Variants in RNF144B observed in about 807,000 individuals in gnomAD.
The protein encoded by RNF144B is E3 ubiquitin-protein ligase RNF144B.
A neutral mutation model predicts 40.2 loss-of-function variants in RNF144B; 25 were observed. That is an observed-to-expected ratio of 0.62 (90% confidence interval 0.45 to 0.87). The LOEUF (loss-of-function observed/expected upper bound fraction) is 0.87, where lower values mean the gene tolerates loss of function less well. Among genes scored for constraint, RNF144B ranks in the 40% least tolerant of loss-of-function variants. The pLI, the probability that RNF144B is intolerant of heterozygous loss-of-function variation, is 0.00. For missense variants in RNF144B, 365 were observed against 373.7 expected (o/e 0.98, Z 0.19); for synonymous variants, 145 against 136.3 (o/e 1.06, Z -0.44).
At chr6:18,437,897 G>T (rs1734277474) in intron 3 of RNF144B, among the ~76,000 whole-genome samples, 1 of 152,068 alleles carries the variant, frequency 6.6e-6, no homozygotes, top group African/African-American at 2.4e-5. Context: ...CATTGAAAAA[G>T]AATCAGAATT....
chr6:18,443,524 G>A lies in RNF144B; in HGVS notation c.331+3780G>A, dbSNP rs1368427432. ...GATCCACCCACCTCGGCCTCCCAAA[G>A]TTCTGGGATTACAGGTGTGAGCTAC... On this transcript the variant is annotated intron_variant, in intron 4 of 7. Transcript: ENST00000259939. This position sits in a 1 kb window ranked among gnomAD's most constrained non-coding sequence, Gnocchi z 4.7. Among the ~76,000 whole-genome samples, 1 of 152,152 alleles carries A rather than the reference G, an allele frequency of 6.6e-6. No homozygotes were observed. Among genetic ancestry groups the A allele is most frequent in the East Asian group, 1.9e-4 (1 of 5,200 alleles).
rs1235228731 is a variant in RNF144B, at chr6:18,457,865, T to A, written c.536+506T>A. ...AGGGTTCTCTCATGATATTTTATGC[T>A]CTGTAAAGGTTGAGATTTTATCGTG... On this transcript the variant is annotated intron_variant, in intron 5 of 7. Transcript: ENST00000259939. The surrounding 1 kb of genome is among the most constrained non-coding windows in gnomAD (Gnocchi z 5.1). Among the ~76,000 whole-genome samples, 1 of 152,192 alleles carries A rather than the reference T, an allele frequency of 6.6e-6. No homozygotes were observed. Among genetic ancestry groups the A allele is most frequent in the Non-Finnish European group, 1.5e-5 (1 of 68,030 alleles).
chr6:18,393,742 A>T (rs1373429978), intron 1 of RNF144B, among the ~76,000 whole-genome samples: 1 of 152,094 alleles, frequency 6.6e-6, no homozygotes, highest in Non-Finnish European at 1.5e-5. Context: ...CTTCCCGAGA[A>T]TATGTCTCCA....
intron 3 of RNF144B, among the ~76,000 whole-genome samples, chr6:18,429,844 C>T (rs1199916477): frequency 6.6e-6 from 1 of 152,100 alleles, no homozygotes; most frequent in Non-Finnish European, 1.5e-5. Context: ...TGTGCCTGGC[C>T]CCATTCCAGG....
chr6:18,401,747 A>G (rs1025400271), intron 2 of RNF144B, among the ~76,000 whole-genome samples: 2 of 152,222 alleles, frequency 1.3e-5, no homozygotes, highest in African/African-American at 4.8e-5. Flanking sequence ...TAACTTTTTC[A>G]TATGCCACAT....
rs1759584415 is a variant in RNF144B at position 18,467,023 on chromosome 6, TTCA to T, written c.*1958_*1960del. The stretch of plus-strand genomic sequence containing the variant: ...TCAGAAAAAAACACTATCAGTGTAG[TTCA>T]TGTTAGTATAATTATAGATTTACAT... On this transcript the variant is annotated 3_prime_UTR_variant, in exon 8 of 8. Coordinates refer to ENST00000259939, the MANE Select transcript of RNF144B (RefSeq NM_182757.4). The T allele has an allele frequency of 6.8e-6, 1 of 146,290 alleles. No homozygotes were observed. The highest frequency in any genetic ancestry group is 1.5e-5 in the Non-Finnish European group (1 of 65,174). 9.1% of individuals were successfully genotyped at this position (146,290 alleles called of 1,614,324 possible).
chr6:18,425,637 AAC>A lies in RNF144B; in HGVS notation c.166-1940_166-1939del, dbSNP rs1352540000. 6.6e-6 allele frequency among the ~76,000 whole-genome samples: 1 copy of A among 152,160 alleles called. No homozygotes were observed. The highest frequency in any genetic ancestry group is 2.4e-5 in the African/African-American group (1 of 41,434). On this transcript the variant is annotated intron_variant, in intron 2 of 7. Coordinates refer to ENST00000259939, the MANE Select transcript of RNF144B (RefSeq NM_182757.4). The surrounding 1 kb of genome is among the most constrained non-coding windows in gnomAD (Gnocchi z 4.2). ...TGTTGAACAAGGAAGTCAGGGTTAA[AAC>A]ACAGTAATTATATGGCGGTCAAGTG... is the stretch of plus-strand genomic sequence containing the variant.
At position 18,419,208 on chromosome 6, in the gene RNF144B, C is replaced by T. The variant is rs9477738; in HGVS notation, c.166-8373C>T. On this transcript the variant is annotated intron_variant, in intron 2 of 7. Transcript: ENST00000259939. The surrounding 1 kb of genome is among the most constrained non-coding windows in gnomAD (Gnocchi z 4.6). ...TTCCTTATCCTCTGTCCATCCACCC[C>T]TCCTCCTCCTGCCTATGGCTTTTTA... 0.023 allele frequency among the ~76,000 whole-genome samples: 3,467 copies of T among 152,288 alleles called. 72 individuals carry two copies. The highest frequency in any genetic ancestry group is 0.044 in the African/African-American group (1,837 of 41,566).
At chr6:18,407,097 G>C (rs1216499698) in intron 2 of RNF144B, among the ~76,000 whole-genome samples, 1 of 152,106 alleles carries the variant, frequency 6.6e-6, no homozygotes, top group African/African-American at 2.4e-5. Context: ...TATAATTCAA[G>C]ATGAGATTTG....
intron 2 of RNF144B, among the ~76,000 whole-genome samples, chr6:18,404,852 T>G (rs1285088960): frequency 6.6e-6 from 1 of 152,184 alleles, no homozygotes; most frequent in East Asian, 1.9e-4. Context: ...AATTACTTGT[T>G]GGCTTGATAT....
intron 2 of RNF144B, among the ~76,000 whole-genome samples, chr6:18,417,739 T>C (rs1405951160): frequency 6.6e-6 from 1 of 152,164 alleles, no homozygotes; most frequent in African/African-American, 2.4e-5. Context: ...TAAATTGGAC[T>C]TCATCAAAAT....
intron 2 of RNF144B, among the ~76,000 whole-genome samples, chr6:18,421,271 TATACACAC>T (rs1362208995): frequency 1.4e-4 from 18 of 131,010 alleles, no homozygotes; most frequent in South Asian, 9.4e-4. Context: ...AATTATATAT[TATACACAC>T]ACACACACAC....
chr6:18,459,894 G>A lies in RNF144B; in HGVS notation c.681+143G>A, dbSNP rs1273546634. 6 of 746,378 alleles carry A rather than the reference G, an allele frequency of 8.0e-6. No homozygotes were observed. The highest frequency in any genetic ancestry group is 5.2e-5 in the East Asian group (2 of 38,494). 46.2% of individuals were successfully genotyped at this position (746,378 alleles called of 1,614,324 possible). ...TATTTTTCTTAATGAGACTTACTAA[G>A]CCTGATACTTTAGATATCTAAAAAC... On this transcript the variant is annotated intron_variant, in intron 6 of 7. Coordinates refer to ENST00000259939, the MANE Select transcript of RNF144B (RefSeq NM_182757.4). This position sits in a 1 kb window ranked among gnomAD's most constrained non-coding sequence, Gnocchi z 4.2.
intron 2 of RNF144B, among the ~76,000 whole-genome samples, chr6:18,423,020 C>T (rs1240684224): frequency 2.0e-5 from 3 of 151,948 alleles, no homozygotes; most frequent in African/African-American, 7.2e-5. Context: ...ATTCTCTTAC[C>T]TATTCACCTC....
intron 1 of RNF144B, chr6:18,396,817 GA>G: frequency 1.0e-6 from 1 of 985,332 alleles, no homozygotes; most frequent in Non-Finnish European, 1.2e-6. Flanking sequence ...TGGGAGGAAG[GA>G]AAAGGTAAAG....
chr6:18,439,604 C>A, intron 3 of RNF144B, 80 bp from the exon 4 acceptor site: 1 of 970,378 alleles, frequency 1.0e-6, no homozygotes, highest in Non-Finnish European at 1.7e-6. Flanking sequence ...ATAAGCAAAG[C>A]CAGAAAGAGA....
At position 18,467,652 on chromosome 6, in the gene RNF144B, T is replaced by A. The variant is rs973710156; in HGVS notation, c.*2585T>A. On this transcript the variant is annotated 3_prime_UTR_variant, in exon 8 of 8. Transcript: ENST00000259939. ...AGAGCTGGCGACTTATTTTTATTTTTATTTTTTGGACAGAGTCTCCCTTTG... is the reference window on the plus strand; with the variant it reads ...AGAGCTGGCGACTTATTTTTATTTTAATTTTTTGGACAGAGTCTCCCTTTG... 6.7e-6 allele frequency: 1 copy of A among 149,638 alleles called. No homozygotes were observed. The highest frequency in any genetic ancestry group is 2.1e-4 in the South Asian group (1 of 4,746). The allele number at this position is 149,638 out of a possible 1,614,324, so 9.3% of individuals were successfully genotyped here. A position where few individuals can be genotyped will look rare whatever the true frequency, so the allele number is the denominator to read the frequency against.
intron 4 of RNF144B, among the ~76,000 whole-genome samples, chr6:18,453,199 C>T (rs922130118): frequency 5.1e-5 from 7 of 135,934 alleles, no homozygotes; most frequent in African/African-American, 1.9e-4. Context: ...AGTACAGTGG[C>T]ACGATCTTGG....
chr6:18,414,601 G>A lies in RNF144B; in HGVS notation c.166-12980G>A, dbSNP rs1795109931. 6.6e-6 allele frequency among the ~76,000 whole-genome samples: 1 copy of A among 152,030 alleles called. No individual in the cohort carries two copies. Among genetic ancestry groups the A allele is most frequent in the African/African-American group, 2.4e-5 (1 of 41,396 alleles). ...ATGTTTTAATTTGTATAGATACGTAGTAGGTATATATATGATTAGTTTTAA... is the reference window on the plus strand; with the variant it reads ...ATGTTTTAATTTGTATAGATACGTAATAGGTATATATATGATTAGTTTTAA... On this transcript the variant is annotated intron_variant, in intron 2 of 7. Transcript: ENST00000259939. This position sits in a 1 kb window ranked among gnomAD's most constrained non-coding sequence, Gnocchi z 4.9.
Sources: gnomAD v4.1 joint callset for allele counts (sites outside exome capture counted in the v4.1 genomes callset) on GRCh38, gnomAD v4.1.1 for gene constraint, Gnocchi (gnomAD v3.1) non-coding constraint, MANE v1.5 for transcripts, NCBI Gene and HGNC (gene_info 2026-07-23, HGNC 2026-07-21) for gene names.